Variants in MYO1H observed in about 807,000 individuals in gnomAD.
MYO1H encodes the protein unconventional myosin-Ih.
Under a neutral mutation model 149.3 loss-of-function variants are expected in MYO1H, and 118 were observed. The ratio of observed to expected loss-of-function variants is 0.79; its 90% CI spans 0.68 to 0.92. MYO1H has a LOEUF of 0.92. Among genes scored for constraint, MYO1H ranks in the 40% least tolerant of loss-of-function variants. MYO1H has a pLI of 0.00. For synonymous variants in MYO1H, 447 were observed against 465.2 expected (o/e 0.96, Z 0.50); for missense variants, 1,212 against 1,280.7 (o/e 0.95, Z 0.82).
intron 15 of MYO1H, among the ~76,000 whole-genome samples, chr12:109,419,029 T>C (rs1871053736): frequency 6.6e-6 from 1 of 152,228 alleles, no homozygotes; most frequent in South Asian, 2.1e-4. Flanking sequence ...AATACACATG[T>C]AGAGCTATAA....
intron 1 of MYO1H, among the ~76,000 whole-genome samples, chr12:109,356,229 G>A: frequency 6.6e-6 from 1 of 152,116 alleles, no homozygotes; most frequent in Non-Finnish European, 1.5e-5. Context: ...GCATTTGATG[G>A]TCCAAACAGG....
At chr12:109,425,193 G>C (rs1169342052) in intron 17 of MYO1H, among the ~76,000 whole-genome samples, 1 of 152,182 alleles carries the variant, frequency 6.6e-6, no homozygotes, top group Non-Finnish European at 1.5e-5. Flanking sequence ...AATTAGCCAG[G>C]TGCAGTGGTG....
At chr12:109,378,676 T>C (rs1168795707) in intron 1 of MYO1H, among the ~76,000 whole-genome samples, 1 of 152,152 alleles carries the variant, frequency 6.6e-6, no homozygotes, top group Middle Eastern at 3.2e-3. Flanking sequence ...TTTACTTCCT[T>C]GCCAACACTT....
rs759408039 is a variant in MYO1H at position 109,425,931 on chromosome 12, T to C, written c.1726-15T>C. On this transcript the variant is annotated splice_polypyrimidine_tract_variant and intron_variant, in intron 17 of 31. Transcript: ENST00000310903. ...CTCTGGCTCGTTCTCTCTCTCTTTC[T>C]CTCTCTCTCTGCAGGTGGGGACTCA... The C allele has an allele frequency of 1.3e-6, 2 of 1,583,256 alleles. No individual in the cohort carries two copies. Among genetic ancestry groups the C allele is most frequent in the Non-Finnish European group, 1.7e-6 (2 of 1,152,778 alleles).
intron 17 of MYO1H, among the ~76,000 whole-genome samples, chr12:109,425,138 A>C (rs1323821170): frequency 2.0e-5 from 3 of 152,124 alleles, no homozygotes; most frequent in Non-Finnish European, 4.4e-5. Flanking sequence ...TCAGTCAGAC[A>C]AAACTTGGGT....
At position 109,426,062 on chromosome 12, in the gene MYO1H, G is replaced by T; in HGVS notation, c.1831+11G>T. The T allele has an allele frequency of 6.3e-7, 1 of 1,598,698 alleles. No individual in the cohort carries two copies. Among genetic ancestry groups the T allele is most frequent in the Non-Finnish European group, 8.6e-7 (1 of 1,166,624 alleles). ...ACAGGAAAGAACCCAGTGAGTTGTG[G>T]ATCATTATGAACTGGGCTCAGGGAA... On this transcript the variant is annotated intron_variant, in intron 18 of 31. Transcript: ENST00000310903.
intron 18 of MYO1H, 33 bp from the exon 19 acceptor site, chr12:109,427,436 T>C: frequency 7.0e-7 from 1 of 1,425,712 alleles, no homozygotes; most frequent in East Asian, 2.3e-5. Context: ...CATGGGATCC[T>C]TTCCTGTCAT....
intron 1 of MYO1H, among the ~76,000 whole-genome samples, chr12:109,351,172 A>G (rs1258420297): frequency 1.3e-5 from 2 of 152,138 alleles, no homozygotes; most frequent in African/African-American, 4.8e-5. Flanking sequence ...TGCTTCCTGG[A>G]TCTTATTTCA....
intron 5 of MYO1H, 51 bp from the exon 6 acceptor site, chr12:109,401,042 A>G: frequency 6.5e-7 from 1 of 1,537,426 alleles, no homozygotes; most frequent in African/African-American, 1.4e-5. Context: ...GATGCCAGGA[A>G]GAGAGTGGTT....
At chr12:109,388,939 G>A in intron 2 of MYO1H, 95 bp downstream of exon 2, 1 of 1,413,402 alleles carries the variant, frequency 7.1e-7, no homozygotes, top group South Asian at 1.6e-5. Flanking sequence ...ACTCTATTAG[G>A]TTAGACATTA....
the MYO1H span, among the ~76,000 whole-genome samples, chr12:109,329,630 G>A: frequency 6.6e-6 from 1 of 152,110 alleles, no homozygotes; most frequent in Admixed American, 6.5e-5. Flanking sequence ...CATAAACCAG[G>A]AGCTGTCTGT....
chr12:109,432,800 C>T (rs1357850924), intron 19 of MYO1H, 97 bp from the exon 20 acceptor site: 2 of 959,376 alleles, frequency 2.1e-6, no homozygotes, highest in Non-Finnish European at 3.4e-6. Context: ...GGCCGACATG[C>T]CACAGCAGTG....
intron 1 of MYO1H, among the ~76,000 whole-genome samples, chr12:109,364,921 T>C (rs1308887354): frequency 6.6e-6 from 1 of 152,200 alleles, no homozygotes; most frequent in Non-Finnish European, 1.5e-5. Context: ...GGTAATAACT[T>C]GGTACTGCTG....
rs74409698 is a variant in MYO1H at position 109,357,056 on chromosome 12, G to A, written c.12+9084G>A. The A allele has an allele frequency of 1.9e-4, 29 of 152,230 alleles. No homozygotes were observed. The East Asian group carries it at 5.6e-3, about 29-fold the overall frequency. The allele number at this position is 152,230 out of a possible 1,614,324, so 9.4% of individuals were successfully genotyped here. ...CCAAACTGGGGACAGCACCTTCTGA[G>A]GGGCTTCCTAGAGAGCAGCCCTCTC... On this transcript the variant is annotated intron_variant, in intron 1 of 31. Coordinates refer to ENST00000310903, the Ensembl canonical transcript of MYO1H.
chr12:109,350,497 G>T (rs1868442400), intron 1 of MYO1H, among the ~76,000 whole-genome samples: 1 of 152,138 alleles, frequency 6.6e-6, no homozygotes, highest in Non-Finnish European at 1.5e-5. Flanking sequence ...GTGAGGCATG[G>T]CTTTCACCTT....
intron 21 of MYO1H, 49 bp from the exon 22 acceptor site, chr12:109,436,439 G>C (rs771567700): frequency 7.2e-7 from 1 of 1,392,852 alleles, no homozygotes; most frequent in Non-Finnish European, 1.0e-6. Context: ...CAACCACAAA[G>C]ATGCGCAAAT....
At chr12:109,369,949 A>G (rs933486916) in intron 1 of MYO1H, among the ~76,000 whole-genome samples, 1 of 152,222 alleles carries the variant, frequency 6.6e-6, no homozygotes, top group Non-Finnish European at 1.5e-5. Context: ...CACGTCTTAC[A>G]TGGCAGCAGA....
intron 22 of MYO1H, 134 bp downstream of exon 22, chr12:109,436,690 G>A: frequency 1.6e-6 from 1 of 620,844 alleles, no homozygotes. Context: ...CCAGTTCTGG[G>A]GCCTCTTCTC....
In MYO1H at chr12:109,397,597, G is replaced by A. The variant is rs979120838; in HGVS notation, c.490-135G>A. 7.0e-6 allele frequency: 4 copies of A among 571,496 alleles called. No individual in the cohort carries two copies. The African/African-American group carries it at 7.7e-5, about 11-fold the overall frequency. The allele number at this position is 571,496 out of a possible 1,614,324, so 35.4% of individuals were successfully genotyped here. A position where few individuals can be genotyped will look rare whatever the true frequency, so the allele number is the denominator to read the frequency against. ...TGTAGTTAGCGATTCCTTCTTAGAA[G>A]ATAAAGCATGCCTTTCCTCCCTGGC... On this transcript the variant is annotated intron_variant, in intron 4 of 31. Coordinates refer to ENST00000310903, the Ensembl canonical transcript of MYO1H.
Sources: gnomAD v4.1 joint callset for allele counts (sites outside exome capture counted in the v4.1 genomes callset) on GRCh38, gnomAD v4.1.1 for gene constraint, MANE v1.5 for transcripts, NCBI Gene and HGNC (gene_info 2026-07-23, HGNC 2026-07-21) for gene names.